EGLN1: variants seen among roughly 807,000 people sequenced by gnomAD.
The protein encoded by EGLN1 is egl nine homolog 1.
Under a neutral mutation model 38.3 loss-of-function variants are expected in EGLN1, and 17 were observed. The ratio of observed to expected loss-of-function variants is 0.44; its 90% CI spans 0.30 to 0.67. The LOEUF (loss-of-function observed/expected upper bound fraction) is 0.67, where lower values mean the gene tolerates loss of function less well. EGLN1 is among the 30% of genes least tolerant of loss of function. EGLN1 has a pLI of 0.08. For missense variants in EGLN1, 477 were observed against 603.3 expected (o/e 0.79, Z 2.19); for synonymous variants, 283 against 257.5 (o/e 1.10, Z -0.95).
chr1:231,405,174 A>AAAAAG (rs1688756554), intron 1 of EGLN1, among the ~76,000 whole-genome samples: 1 of 152,058 alleles, frequency 6.6e-6, no homozygotes, highest in Non-Finnish European at 1.5e-5. Flanking sequence ...TATTTTATTT[A>AAAAAG]TATTTATTAT....
intron 1 of EGLN1, among the ~76,000 whole-genome samples, chr1:231,406,238 C>T (rs11807268): frequency 0.14 from 20,783 of 150,874 alleles, 1,689 homozygotes; most frequent in African/African-American, 0.21. Flanking sequence ...GCAAAACAAA[C>T]GAGAACAGAG....
intron 1 of EGLN1, among the ~76,000 whole-genome samples, chr1:231,395,364 G>C (rs191551163): frequency 6.6e-6 from 1 of 152,124 alleles, no homozygotes. Flanking sequence ...GGTAAACCTC[G>C]GCCAAAAGAA....
At chr1:231,374,830 C>T (rs1467833276) in intron 1 of EGLN1, among the ~76,000 whole-genome samples, 2 of 152,062 alleles carry the variant, frequency 1.3e-5, no homozygotes, top group Non-Finnish European at 2.9e-5. Context: ...TGTTTACCCT[C>T]TTTCAATCAG....
chr1:231,364,865 A>G lies in EGLN1; in HGVS notation c.*1546T>C, dbSNP rs1423970240. On this transcript the variant is annotated 3_prime_UTR_variant, in exon 5 of 5. Transcript: ENST00000366641. ...TACCACCCTTTAGGTTTTGCTAAAA[A>G]GCCTAGGAAAGTGAAGTCTAAGACA... The G allele has an allele frequency of 6.6e-6, 1 of 152,208 alleles. No homozygotes were observed. Among genetic ancestry groups the G allele is most frequent in the South Asian group, 2.1e-4 (1 of 4,830 alleles). The allele number at this position is 152,208 out of a possible 1,614,324, so 9.4% of individuals were successfully genotyped here. A position where few individuals can be genotyped will look rare whatever the true frequency, so the allele number is the denominator to read the frequency against.
In EGLN1 at chr1:231,422,060, C is replaced by G. The variant is rs1321879478; in HGVS notation, c.-172G>C. 1.6e-6 allele frequency: 1 copy of G among 607,142 alleles called. No individual in the cohort carries two copies. The highest frequency in any genetic ancestry group is 2.0e-5 in the African/African-American group (1 of 50,752). 37.6% of individuals were successfully genotyped at this position (607,142 alleles called of 1,614,324 possible). On this transcript the variant is annotated 5_prime_UTR_variant, in exon 1 of 5. Coordinates refer to ENST00000366641, the MANE Select transcript of EGLN1 (RefSeq NM_022051.3). ...GCACCCCACGCCCTCGGCCCGGCCGCTTCCGAGTCCTAAGCTCCGGCGCAG... is the reference window on the plus strand; with the variant it reads ...GCACCCCACGCCCTCGGCCCGGCCGGTTCCGAGTCCTAAGCTCCGGCGCAG...
intron 1 of EGLN1, among the ~76,000 whole-genome samples, chr1:231,386,112 G>A (rs971034452): frequency 4.6e-5 from 5 of 108,816 alleles, no homozygotes; most frequent in Non-Finnish European, 9.2e-5. Flanking sequence ...CACCATGCCC[G>A]GCTGGTTTTT....
At chr1:231,414,184 G>C (rs932876528) in intron 1 of EGLN1, among the ~76,000 whole-genome samples, 3 of 152,114 alleles carry the variant, frequency 2.0e-5, no homozygotes, top group Non-Finnish European at 4.4e-5. Flanking sequence ...GTGTGGAAAC[G>C]AGGGCACAGT....
chr1:231,373,883 C>T (rs1687891684), intron 2 of EGLN1, 97 bp downstream of exon 2: 10 of 1,437,198 alleles, frequency 7.0e-6, no homozygotes, highest in Non-Finnish European at 9.7e-6. Flanking sequence ...AAATTTTTAA[C>T]TGTGTCTGTG....
At position 231,421,504 on chromosome 1, in the gene EGLN1, C is replaced by A. The variant is rs1191056306; in HGVS notation, c.385G>T (p.Ala129Ser). The A allele has an allele frequency of 5.3e-6, 7 of 1,326,900 alleles. No individual in the cohort carries two copies. Among genetic ancestry groups the A allele is most frequent in the Non-Finnish European group, 6.7e-6 (7 of 1,039,874 alleles). The allele number at this position is 1,326,900 out of a possible 1,614,324, so 82.2% of individuals were successfully genotyped here. The stretch of plus-strand genomic sequence containing the variant: ...GCCGAGCCCTGGCCGCCGGCGGCCG[C>A]ACGACACGGCGACGCGGCCGCCGCT... ...DPAAAASPCR[A>S]AAGGQGSAVA... The change falls in exon 1 of 5, where the codon GCG (alanine) becomes TCG (serine). Residue 129 changes from alanine (A) to serine (S), a missense_variant. Ala to Ser is a moderately conservative substitution (Grantham distance 99). This residue lies in a region of EGLN1 where 298 missense variants were observed against 288.9 expected (regional missense o/e 1.03). Coordinates refer to ENST00000366641, the MANE Select transcript of EGLN1 (RefSeq NM_022051.3). This position sits in a 1 kb window ranked among gnomAD's most constrained non-coding sequence, Gnocchi z 5.5.
At chr1:231,414,925 G>A (rs980886447) in intron 1 of EGLN1, among the ~76,000 whole-genome samples, 2 of 151,812 alleles carry the variant, frequency 1.3e-5, no homozygotes, top group Non-Finnish European at 2.9e-5. Context: ...TTTTAGAGAT[G>A]GGTTTCACCA....
rs1332529747 is a variant in EGLN1 at position 231,416,065 on chromosome 1, A to T, written c.891+4933T>A. Among the ~76,000 whole-genome samples, 3 of 152,086 alleles carry T rather than the reference A, an allele frequency of 2.0e-5. No homozygotes were observed. In the East Asian group the frequency reaches 5.8e-4, roughly 29 times the overall value. On this transcript the variant is annotated intron_variant, in intron 1 of 4. Coordinates refer to ENST00000366641, the MANE Select transcript of EGLN1 (RefSeq NM_022051.3). The stretch of plus-strand genomic sequence containing the variant: ...GGTTTCACCATGTTGGTTGGCCAGG[A>T]TGGTCTCAATCCCTCGACCTTGTGA...
At chr1:231,378,111 G>T (rs1688001930) in intron 1 of EGLN1, among the ~76,000 whole-genome samples, 1 of 152,220 alleles carries the variant, frequency 6.6e-6, no homozygotes, top group East Asian at 1.9e-4. Flanking sequence ...GAAAAATGAG[G>T]AGAAAGGAAG....
chr1:231,377,277 C>T (rs1165495651), intron 1 of EGLN1, among the ~76,000 whole-genome samples: 1 of 152,192 alleles, frequency 6.6e-6, no homozygotes, highest in Non-Finnish European at 1.5e-5. Context: ...TTAGTATTCG[C>T]AAAGTCACAT....
chr1:231,382,230 T>A (rs1688094805), intron 1 of EGLN1, among the ~76,000 whole-genome samples: 1 of 152,148 alleles, frequency 6.6e-6, no homozygotes, highest in African/African-American at 2.4e-5. Context: ...AATTCCAGGG[T>A]CTAGAAGAGT....
rs116705095 is a variant in EGLN1, at chr1:231,415,508, T to C, written c.891+5490A>G. 2.5e-3 allele frequency among the ~76,000 whole-genome samples: 380 copies of C among 152,236 alleles called. 4 individuals are homozygous for C. Among genetic ancestry groups the C allele is most frequent in the Admixed American group, 3.1e-3 (48 of 15,276 alleles). ...GTTAGGTAAAAAAATGGGTGATCATTCTAAGCCCTTTTTTCTCCAGTTTAT... is the reference window on the plus strand; with the variant it reads ...GTTAGGTAAAAAAATGGGTGATCATCCTAAGCCCTTTTTTCTCCAGTTTAT... On this transcript the variant is annotated intron_variant, in intron 1 of 4. Transcript: ENST00000366641.
chr1:231,410,381 G>A (rs182981227), intron 1 of EGLN1, among the ~76,000 whole-genome samples: 33 of 152,306 alleles, frequency 2.2e-4, no homozygotes, highest in African/African-American at 6.5e-4. Context: ...CACTGAGTGA[G>A]GCTAGAAGCA....
intron 1 of EGLN1, among the ~76,000 whole-genome samples, chr1:231,392,395 C>A (rs1382778680): frequency 6.6e-6 from 1 of 152,126 alleles, no homozygotes; most frequent in Admixed American, 6.6e-5. Flanking sequence ...AAAGTAAATG[C>A]TATTTAAGTC....
In EGLN1 at chr1:231,420,866, G is replaced by T; in HGVS notation, c.891+132C>A. The T allele has an allele frequency of 5.1e-6, 8 of 1,560,598 alleles. No homozygotes were observed. In the South Asian group the frequency reaches 9.0e-5, roughly 17 times the overall value. On this transcript the variant is annotated intron_variant, in intron 1 of 4. Coordinates refer to ENST00000366641, the MANE Select transcript of EGLN1 (RefSeq NM_022051.3). Reference sequence around the variant, plus strand: ...AAATTCTGTCCGTCTTCCTTACGGGGAGCTACACAAGAAAGAGCGAGTCCC... The same window carrying T: ...AAATTCTGTCCGTCTTCCTTACGGGTAGCTACACAAGAAAGAGCGAGTCCC...
chr1:231,395,420 C>G (rs2883799), intron 1 of EGLN1, among the ~76,000 whole-genome samples: 82,467 of 151,644 alleles, frequency 0.54, 24,001 homozygotes, highest in Non-Finnish European at 0.65. Context: ...AAGAGCCAAA[C>G]CACTTAGTAA....
Sources: allele counts gnomAD v4.1 joint callset (sites outside exome capture counted in the v4.1 genomes callset), GRCh38; gene constraint gnomAD v4.1.1; regional missense constraint gnomAD v4.1.1; non-coding constraint Gnocchi (gnomAD v3.1); transcripts MANE v1.5; gene names NCBI Gene and HGNC (gene_info 2026-07-23, HGNC 2026-07-21).